The following EPHX2 variants were observed in gnomAD, a reference collection of about 807,000 sequenced individuals.
EPHX2 encodes epoxide hydrolase 2.
In EPHX2, 74 loss-of-function variants were observed where a neutral mutation model predicts 78.7. That is an observed-to-expected ratio of 0.94 (90% confidence interval 0.78 to 1.14). The LOEUF is 1.14. EPHX2 is among the 50% of genes most tolerant of loss of function. The pLI is 0.00. For missense variants in EPHX2, 715 were observed against 702.5 expected (o/e 1.02, Z -0.20); for synonymous variants, 251 against 255.2 (o/e 0.98, Z 0.16).
intron 12 of EPHX2, among the ~76,000 whole-genome samples, chr8:27,531,832 T>C (rs1815051470): frequency 6.6e-6 from 1 of 152,170 alleles, no homozygotes; most frequent in Admixed American, 6.5e-5. Flanking sequence ...ACTCCTGGGA[T>C]GGTGGAGGGG....
At chr8:27,536,487 C>T (rs1585220581) in intron 12 of EPHX2, among the ~76,000 whole-genome samples, 1 of 152,222 alleles carries the variant, frequency 6.6e-6, no homozygotes, top group Admixed American at 6.5e-5. Flanking sequence ...CCTCCCAAGT[C>T]CTTTCAAGAG....
rs1215842456 is a variant in EPHX2, at chr8:27,491,218, C to A, written c.10C>A (p.Arg4Ser). 2 of 1,581,896 alleles carry A rather than the reference C, an allele frequency of 1.3e-6. No individual in the cohort carries two copies. The highest frequency in any genetic ancestry group is 1.7e-6 in the Non-Finnish European group (2 of 1,172,714). ...CTGCAGACCCGCCGCCATGACGCTG[C>A]GCGCGGCCGTCTTCGACCTTGACGG... MTL[R>S]AAVFDLDGVL... Residue 4 changes from arginine (R) to serine (S), a missense_variant, in exon 1 of 19, where the codon CGC becomes AGC. Coordinates refer to ENST00000521400, the MANE Select transcript of EPHX2 (RefSeq NM_001979.6).
At chr8:27,515,484 A>C (rs1444849996) in intron 6 of EPHX2, 2 of 528,794 alleles carry the variant, frequency 3.8e-6, no homozygotes, top group Non-Finnish European at 6.8e-6. Context: ...CCAACATCAT[A>C]ATCTTTGCAG....
intron 11 of EPHX2, 39 bp from the exon 12 acceptor site, chr8:27,525,323 C>G: frequency 6.3e-7 from 1 of 1,587,742 alleles, no homozygotes; most frequent in Non-Finnish European, 8.6e-7. Context: ...AGACTGTCTT[C>G]TTACAGGGGC....
intron 8 of EPHX2, 111 bp from the exon 9 acceptor site, chr8:27,517,927 T>G: frequency 1.2e-6 from 1 of 813,834 alleles, no homozygotes; most frequent in Non-Finnish European, 2.0e-6. Context: ...TTTTGTGGGT[T>G]TTTGTTGTTG....
intron 12 of EPHX2, among the ~76,000 whole-genome samples, chr8:27,533,436 T>G (rs1454081574): frequency 6.6e-6 from 1 of 152,230 alleles, no homozygotes; most frequent in Non-Finnish European, 1.5e-5. Context: ...GTCTTATCTT[T>G]TGTAGATGAA....
chr8:27,525,093 TGTGTGTGTGTGTGTGCGCGCGC>T (rs1814780183), intron 11 of EPHX2, among the ~76,000 whole-genome samples: 1 of 145,390 alleles, frequency 6.9e-6, no homozygotes, highest in Admixed American at 6.7e-5. Context: ...TGTGTGTGTG[TGTGTGTGTGTGTGTGCGCGCGC>T]GCGCGCGCAC....
intron 14 of EPHX2, 131 bp downstream of exon 14, chr8:27,538,823 C>A: frequency 1.0e-6 from 1 of 995,814 alleles, no homozygotes; most frequent in Non-Finnish European, 1.6e-6. Flanking sequence ...AACCAGGGTC[C>A]CCTCGGCATG....
At chr8:27,491,975 A>G (rs868122578) in intron 1 of EPHX2, among the ~76,000 whole-genome samples, 27 of 151,122 alleles carry the variant, frequency 1.8e-4, no homozygotes, top group Middle Eastern at 3.4e-3. Flanking sequence ...GTAGTTTCCA[A>G]CTTCTAAATT....
At chr8:27,525,253 A>T (rs1294883172) in intron 11 of EPHX2, 109 bp from the exon 12 acceptor site, 1 of 909,888 alleles carries the variant, frequency 1.1e-6, no homozygotes, top group African/African-American at 1.6e-5. Flanking sequence ...GACCTTGTGC[A>T]TAGAATGTTC....
In EPHX2 at chr8:27,525,379, A is replaced by C. The variant is rs764879647; in HGVS notation, c.1076A>C (p.Asn359Thr). Residue 359 changes from asparagine to threonine, a missense_variant, in exon 12 of 19, where the codon AAT (asparagine) becomes ACT (threonine). Coordinates refer to ENST00000521400, the MANE Select transcript of EPHX2 (RefSeq NM_001979.6). The stretch of plus-strand genomic sequence containing the variant: ...TTCTGTAGGGCGGTGGCCAGTTTGA[A>C]TACTCCCTTCATACCAGCAAATCCC... ...PERVRAVASLNTPFIPANPNM... is the reference protein window; with the variant it reads ...PERVRAVASLTTPFIPANPNM... The C allele has an allele frequency of 6.2e-7, 1 of 1,614,096 alleles. No homozygotes were observed. Among genetic ancestry groups the C allele is most frequent in the Non-Finnish European group, 8.5e-7 (1 of 1,180,026 alleles).
chr8:27,501,387 C>CTTCTTCTTCTTCTTCTTCT (rs1554519566), intron 2 of EPHX2, among the ~76,000 whole-genome samples: 36 of 67,518 alleles, frequency 5.3e-4, no homozygotes, highest in East Asian at 1.1e-3. Flanking sequence ...TCTTCTTCTT[C>CTTCTTCTTCTTCTTCTTCT]TTCTTCTTTC....
chr8:27,530,014 G>GA (rs1814980000), intron 12 of EPHX2, among the ~76,000 whole-genome samples: 1 of 151,800 alleles, frequency 6.6e-6, no homozygotes, highest in African/African-American at 2.4e-5. Context: ...TTACCTGGCT[G>GA]AAAATCATCC....
intron 10 of EPHX2, among the ~76,000 whole-genome samples, chr8:27,522,025 G>A (rs1299719533): frequency 6.6e-6 from 1 of 152,194 alleles, no homozygotes; most frequent in African/African-American, 2.4e-5. Flanking sequence ...GTTTAAGGGA[G>A]GAGAGCTTCC....
intron 12 of EPHX2, among the ~76,000 whole-genome samples, chr8:27,534,592 T>A (rs1055007875): frequency 6.6e-6 from 1 of 152,058 alleles, no homozygotes; most frequent in African/African-American, 2.4e-5. Context: ...GGCAGTGAGC[T>A]GAGATTGCGC....
chr8:27,506,318 T>C (rs1346078559), intron 4 of EPHX2, among the ~76,000 whole-genome samples: 1 of 152,220 alleles, frequency 6.6e-6, no homozygotes, highest in Non-Finnish European at 1.5e-5. Context: ...TTTTGATTCA[T>C]TAAGAATCTA....
Position 27,491,233 on chromosome 8 carries a change from G to T in EPHX2, c.25G>T (p.Asp9Tyr), listed in dbSNP as rs1293144734. 3 of 1,585,230 alleles carry T rather than the reference G, an allele frequency of 1.9e-6. No individual in the cohort carries two copies. Among genetic ancestry groups the T allele is most frequent in the East Asian group, 4.6e-5 (2 of 43,400 alleles). The change falls in exon 1 of 19, where the codon GAC becomes TAC. Residue 9 changes from aspartate (D) to tyrosine (Y), a missense_variant. Coordinates refer to ENST00000521400, the MANE Select transcript of EPHX2 (RefSeq NM_001979.6). ...CATGACGCTGCGCGCGGCCGTCTTC[G>T]ACCTTGACGGGGTGCTGGCGCTGCC... MTLRAAVF[D>Y]LDGVLALPAV...
chr8:27,497,549 G>C (rs1018743329), intron 1 of EPHX2, among the ~76,000 whole-genome samples: 1 of 152,144 alleles, frequency 6.6e-6, no homozygotes, highest in Non-Finnish European at 1.5e-5. Flanking sequence ...AGAACACCAA[G>C]GTTGCCAGGT....
At chr8:27,515,569 T>C in intron 6 of EPHX2, 149 bp from the exon 7 acceptor site, 1 of 639,778 alleles carries the variant, frequency 1.6e-6, no homozygotes, top group East Asian at 2.8e-5. Flanking sequence ...GCCATTTTCA[T>C]GTAACACTGG....
Sources: allele counts gnomAD v4.1 joint callset (sites outside exome capture counted in the v4.1 genomes callset), GRCh38; gene constraint gnomAD v4.1.1; transcripts MANE v1.5; gene names NCBI Gene and HGNC (gene_info 2026-07-23, HGNC 2026-07-21).